Variants in IQCJ observed in about 807,000 individuals in gnomAD.
The protein encoded by IQCJ is IQ motif containing J, also known as IQ domain-containing protein J.
IQCJ carries 9 observed loss-of-function variants against 11.0 expected under a neutral mutation model. The ratio of observed to expected loss-of-function variants is 0.82; its 90% confidence interval spans 0.49 to 1.43. The LOEUF (loss-of-function observed/expected upper bound fraction) is 1.43, where lower values mean the gene tolerates loss of function less well. Ranked by LOEUF, IQCJ falls within the 40% of genes most tolerant of loss-of-function variation. IQCJ has a pLI of 0.00. For synonymous variants in IQCJ, 55 were observed against 51.3 expected, an observed-to-expected ratio of 1.07 and a Z score of -0.31; for missense variants, 146 against 133.2, an observed-to-expected ratio of 1.10 and a Z score of -0.47.
intron 1 of IQCJ, among the ~76,000 whole-genome samples, chr3:159,172,161 T>C (rs933520529): frequency 3.3e-5 from 5 of 152,210 alleles, no homozygotes; most frequent in Non-Finnish European, 2.9e-5. Flanking sequence ...AGAATTGATT[T>C]TTATAATGGT....
downstream of IQCJ, among the ~76,000 whole-genome samples, chr3:159,264,083 A>G (rs1728369591): frequency 6.6e-6 from 1 of 152,220 alleles, no homozygotes; most frequent in African/African-American, 2.4e-5. Flanking sequence ...TTTGGATTTT[A>G]TTTGAATGAT....
chr3:159,128,459 T>A (rs66562907), intron 1 of IQCJ, among the ~76,000 whole-genome samples: 50,006 of 152,114 alleles, frequency 0.33, 8,562 homozygotes, highest in Non-Finnish European at 0.39. Context: ...CTCTGTCATT[T>A]TCTGAAGATA....
At chr3:159,240,209 G>A (rs720397) in intron 1 of IQCJ, among the ~76,000 whole-genome samples, 1 of 152,038 alleles carries the variant, frequency 6.6e-6, no homozygotes, top group Non-Finnish European at 1.5e-5. Flanking sequence ...ATATTGCAAA[G>A]GATAATCTAT....
intron 1 of IQCJ, among the ~76,000 whole-genome samples, chr3:159,177,791 G>A (rs539934406): frequency 6.6e-6 from 1 of 152,294 alleles, no homozygotes; most frequent in South Asian, 2.1e-4. Context: ...GGTAATTAGT[G>A]AATGCTAGGA....
chr3:159,112,552 A>G (rs1718696252), intron 1 of IQCJ, among the ~76,000 whole-genome samples: 1 of 151,770 alleles, frequency 6.6e-6, no homozygotes, highest in Non-Finnish European at 1.5e-5. Flanking sequence ...AAAGGCTGCT[A>G]GACAGAGGCT....
chr3:159,095,251 T>A (rs1717647163), intron 1 of IQCJ, among the ~76,000 whole-genome samples: 1 of 151,898 alleles, frequency 6.6e-6, no homozygotes. Flanking sequence ...TTTTTAAATT[T>A]AAAATAGTAA....
chr3:159,198,753 G>A (rs980460239), intron 1 of IQCJ, among the ~76,000 whole-genome samples: 3 of 152,104 alleles, frequency 2.0e-5, no homozygotes, highest in Non-Finnish European at 4.4e-5. Flanking sequence ...CAAAATGGAA[G>A]GAAATGTAGA....
intron 1 of IQCJ, among the ~76,000 whole-genome samples, chr3:159,115,967 G>A (rs1301260054): frequency 6.6e-6 from 1 of 152,164 alleles, no homozygotes; most frequent in African/African-American, 2.4e-5. Flanking sequence ...AATACCTAAT[G>A]TAGATGATGG....
At chr3:159,225,239 G>A (rs1481980530) in intron 1 of IQCJ, among the ~76,000 whole-genome samples, 3 of 152,108 alleles carry the variant, frequency 2.0e-5, no homozygotes, top group Non-Finnish European at 4.4e-5. Flanking sequence ...TCATACACAC[G>A]AAGTGAATGG....
At chr3:159,175,510 C>G (rs1214419502) in intron 1 of IQCJ, among the ~76,000 whole-genome samples, 1 of 152,094 alleles carries the variant, frequency 6.6e-6, no homozygotes, top group Non-Finnish European at 1.5e-5. Context: ...TTTTCTATCA[C>G]TCCAGTAAGT....
chr3:159,132,254 T>C (rs1036114822), intron 1 of IQCJ, among the ~76,000 whole-genome samples: 1 of 152,176 alleles, frequency 6.6e-6, no homozygotes, highest in Middle Eastern at 3.2e-3. Context: ...TCAGCTTCTT[T>C]TTCATACATA....
chr3:159,131,714 C>T (rs1224029469), intron 1 of IQCJ, among the ~76,000 whole-genome samples: 4 of 152,224 alleles, frequency 2.6e-5, no homozygotes, highest in Middle Eastern at 3.4e-3. Flanking sequence ...AAGGTCTGTT[C>T]CCTTGAACCA....
intron 1 of IQCJ, among the ~76,000 whole-genome samples, chr3:159,215,192 A>T (rs1185172001): frequency 1.3e-5 from 2 of 152,204 alleles, no homozygotes; most frequent in Non-Finnish European, 2.9e-5. Context: ...GTCATGGAGA[A>T]ATGTGGCTGA....
At chr3:159,222,106 C>T (rs1406663620) in intron 1 of IQCJ, among the ~76,000 whole-genome samples, 5 of 151,946 alleles carry the variant, frequency 3.3e-5, no homozygotes, top group African/African-American at 9.7e-5. Flanking sequence ...AAAAAATGAT[C>T]GAAATAGAAC....
chr3:159,082,852 G>A (rs1425311507), intron 1 of IQCJ, among the ~76,000 whole-genome samples: 1 of 152,018 alleles, frequency 6.6e-6, no homozygotes. Context: ...AGACCCACAG[G>A]CTCTATAACC....
At chr3:159,200,030 C>CTATATATA (rs368929112) in intron 1 of IQCJ, among the ~76,000 whole-genome samples, 1,481 of 119,598 alleles carry the variant, frequency 0.012, 42 homozygotes, top group African/African-American at 0.047. Flanking sequence ...GAGTAAACGA[C>CTATATATA]TATATATATA....
intron 1 of IQCJ, among the ~76,000 whole-genome samples, chr3:159,083,991 A>C (rs1017886324): frequency 9.2e-5 from 14 of 152,106 alleles, no homozygotes; most frequent in African/African-American, 2.7e-4. Context: ...GGACTGTGGT[A>C]GTCGTTACAT....
intron 1 of IQCJ, among the ~76,000 whole-genome samples, chr3:159,208,034 A>G (rs4680497): frequency 0.15 from 22,783 of 152,162 alleles, 1,976 homozygotes; most frequent in Admixed American, 0.21. Flanking sequence ...AAGATAATGA[A>G]TGTGCATTTG....
intron 1 of IQCJ, among the ~76,000 whole-genome samples, chr3:159,132,442 A>T (rs1476907418): frequency 6.6e-6 from 1 of 152,182 alleles, no homozygotes; most frequent in South Asian, 2.1e-4. Context: ...ATTTTATAGC[A>T]TCTCCTCTGG....
Sources: gnomAD v4.1 joint callset for allele counts (sites outside exome capture counted in the v4.1 genomes callset) on GRCh38, gnomAD v4.1.1 for gene constraint, MANE v1.5 for transcripts, NCBI Gene and HGNC (gene_info 2026-07-23, HGNC 2026-07-21) for gene names.